The following UNC45A variants were observed in gnomAD, a reference collection of about 807,000 sequenced individuals.
UNC45A encodes the protein protein unc-45 homolog A.
A neutral mutation model predicts 103.2 loss-of-function variants in UNC45A; 78 were observed. The ratio of observed to expected loss-of-function variants is 0.76; its 90% confidence interval spans 0.63 to 0.91. The LOEUF (loss-of-function observed/expected upper bound fraction) is 0.91, where lower values mean the gene tolerates loss of function less well. Ranked by LOEUF, UNC45A falls within the 40% of genes least tolerant of loss-of-function variation. The pLI is 0.00. For missense variants in UNC45A, 1,193 were observed against 1,224.8 expected (o/e 0.97, Z 0.39); for synonymous variants, 495 against 504.6 (o/e 0.98, Z 0.25).
intron 10 of UNC45A, 38 bp from the exon 11 acceptor site, chr15:90,947,758 T>G (rs2036646472): frequency 1.3e-6 from 2 of 1,536,436 alleles, no homozygotes; most frequent in Non-Finnish European, 1.8e-6. Flanking sequence ...TCCTGCCTCC[T>G]TCCCCAGAGG....
Position 90,948,766 on chromosome 15 carries a change from A to C in UNC45A, c.1850A>C (p.Lys617Thr). Residue 617 changes from lysine to threonine, a missense_variant, in exon 13 of 20, where the codon AAG (lysine) becomes ACG (threonine). Lys to Thr is a moderately conservative substitution (Grantham distance 78). Transcript: ENST00000418476. ...ATGGTGGAGCTGGCCAAGTATGCCA[A>C]GCAGCATGTGCCCGAGCAGCACCCC... ...PKMVELAKYA[K>T]QHVPEQHPKD... 1.2e-6 allele frequency: 2 copies of C among 1,611,948 alleles called. No individual in the cohort carries two copies. The highest frequency in any genetic ancestry group is 1.7e-6 in the Non-Finnish European group (2 of 1,179,320).
chr15:90,935,263 G>C (rs556780967), upstream of UNC45A: 101 of 1,518,680 alleles, frequency 6.7e-5, 2 homozygotes, highest in East Asian at 2.2e-3. Context: ...GTGGCGTCCC[G>C]AACCCAGACT....
intron 15 of UNC45A, 196 bp from the exon 16 acceptor site, chr15:90,949,958 C>A: frequency 1.5e-6 from 1 of 667,828 alleles, no homozygotes; most frequent in Non-Finnish European, 2.6e-6. Context: ...ACCCCCATGG[C>A]CCTGGTGCTC....
At chr15:90,937,052 C>T (rs994999587) in intron 4 of UNC45A, among the ~76,000 whole-genome samples, 3 of 152,168 alleles carry the variant, frequency 2.0e-5, no homozygotes, top group Non-Finnish European at 2.9e-5. Flanking sequence ...GTTGAATGAA[C>T]AAAGCAAAAT....
rs760069198 is a variant in UNC45A at position 90,950,616 on chromosome 15, G to C, written c.2303+1G>C. The C allele has an allele frequency of 6.2e-7, 1 of 1,613,980 alleles. No individual in the cohort carries two copies. The highest frequency in any genetic ancestry group is 2.2e-5 in the East Asian group (1 of 44,884). On this transcript the variant is annotated splice_donor_variant, in intron 17 of 19. Coordinates refer to ENST00000418476, the MANE Select transcript of UNC45A (RefSeq NM_018671.5). LOFTEE classifies it high-confidence loss of function. ...TGGCTGGGATCAGCGAGAGGCTCCG[G>C]TAAGGTCCCTTGGGATTGCGGGGCC...
At chr15:90,932,095 A>AG (rs1434257835), upstream of UNC45A, 2 of 1,603,976 alleles carry the variant, frequency 1.2e-6, no homozygotes, top group Admixed American at 3.4e-5. Flanking sequence ...CTCGTGGGTC[A>AG]GGATCCGTGC....
rs755348528 is a variant in UNC45A at position 90,935,370 on chromosome 15, C to T, written c.46C>T (p.Pro16Ser). The change falls in exon 1 of 20, where the codon CCC becomes TCC. Residue 16 changes from proline (P) to serine (S), a missense_variant. By Grantham distance (74) the Pro-to-Ser change is moderately conservative. Coordinates refer to ENST00000418476, the MANE Select transcript of UNC45A (RefSeq NM_018671.5). ...PGTPEPRPAT[P>S]GASSVEQLRK... ...GACCCCCGAGCCCCGGCCGGCCACC[C>T]CCGGGGTGCGTACCCAACCCCCGCG... 6.3e-7 allele frequency: 1 copy of T among 1,599,080 alleles called. No individual in the cohort carries two copies. The highest frequency in any genetic ancestry group is 8.5e-7 in the Non-Finnish European group (1 of 1,173,400).
intron 13 of UNC45A, among the ~76,000 whole-genome samples, 198 bp from the exon 14 acceptor site, chr15:90,949,118 C>T (rs1036548808): frequency 2.6e-5 from 4 of 152,066 alleles, no homozygotes; most frequent in East Asian, 1.9e-4. Flanking sequence ...CCTCGTGATC[C>T]GCCTGCCTCA....
rs758770632 is a variant in UNC45A, at chr15:90,942,455, A to G, written c.706A>G (p.Ile236Val). Residue 236 changes from isoleucine (I) to valine (V), a missense_variant, in exon 7 of 20, where the codon ATA (isoleucine) becomes GTA (valine). Physicochemically the swap from Ile to Val is conservative, Grantham distance 29 (BLOSUM62 3). Coordinates refer to ENST00000418476, the MANE Select transcript of UNC45A (RefSeq NM_018671.5). ...ACCCCAGACAGTGGCAACCCTGAGC[A>G]TACTGGGAACTCGGCGAGTAGTCTC... The part of the protein sequence containing the change: ...HQSRTVATLS[I>V]LGTRRVVSIL... 1 of 1,613,300 alleles carries G rather than the reference A, an allele frequency of 6.2e-7. No homozygotes were observed. Among genetic ancestry groups the G allele is most frequent in the Non-Finnish European group, 8.5e-7 (1 of 1,179,610 alleles).
intron 8 of UNC45A, among the ~76,000 whole-genome samples, chr15:90,943,549 T>A (rs1157618023): frequency 6.6e-6 from 1 of 152,096 alleles, no homozygotes; most frequent in African/African-American, 2.4e-5. Flanking sequence ...AGCAATGGGA[T>A]TCAGCTCTTA....
chr15:90,938,290 G>T (rs1309877106), intron 4 of UNC45A, among the ~76,000 whole-genome samples: 1 of 152,026 alleles, frequency 6.6e-6, no homozygotes, highest in African/African-American at 2.4e-5. Flanking sequence ...TAGGAGAAAA[G>T]AATCTAAAGA....
rs778415133 is a variant in UNC45A at position 90,953,451 on chromosome 15, T to G, written c.2578-8T>G. On this transcript the variant is annotated splice_polypyrimidine_tract_variant and splice_region_variant and intron_variant, in intron 19 of 19. Transcript: ENST00000418476. ...CCAGGGGTCATATCTACCCTGTTTT[T>G]CTCACAGACCACACACTGGCTGGAG... The G allele has an allele frequency of 6.2e-7, 1 of 1,613,050 alleles. No individual in the cohort carries two copies. The highest frequency in any genetic ancestry group is 8.5e-7 in the Non-Finnish European group (1 of 1,179,906).
At position 90,940,436 on chromosome 15, in the gene UNC45A, G is replaced by A. The variant is rs146655219; in HGVS notation, c.650G>A (p.Arg217His). Residue 217 changes from arginine (R) to histidine (H), a missense_variant, in exon 6 of 20, where the codon CGT becomes CAT. Coordinates refer to ENST00000418476, the MANE Select transcript of UNC45A (RefSeq NM_018671.5). ...ACTGACCTCATGCTGGCGGCTCTGCGTACGCTGGTTGGCATTTGCTCTGAG... is the reference window on the plus strand; with the variant it reads ...ACTGACCTCATGCTGGCGGCTCTGCATACGCTGGTTGGCATTTGCTCTGAG... ...GETDLMLAAL[R>H]TLVGICSEHQ... The A allele has an allele frequency of 2.4e-5, 39 of 1,613,976 alleles. No individual in the cohort carries two copies. The highest frequency in any genetic ancestry group is 8.0e-5 in the African/African-American group (6 of 75,048).
At position 90,939,777 on chromosome 15, in the gene UNC45A, A is replaced by G; in HGVS notation, c.473A>G (p.Gln158Arg). The change falls in exon 5 of 20, where the codon CAG (glutamine) becomes CGG (arginine). Residue 158 changes from glutamine (Q) to arginine (R), a missense_variant. Transcript: ENST00000418476. The stretch of plus-strand genomic sequence containing the variant: ...GATGCCAAAGTGGAACAGATGTTTC[A>G]GATACTGTTGGACCCAGAAGAGAAG... ...STDAKVEQMF[Q>R]ILLDPEEKGT... 1 of 1,614,206 alleles carries G rather than the reference A, an allele frequency of 6.2e-7. No individual in the cohort carries two copies.
intron 9 of UNC45A, among the ~76,000 whole-genome samples, chr15:90,945,855 A>T (rs1403748929): frequency 3.4e-5 from 5 of 146,924 alleles, no homozygotes; most frequent in East Asian, 4.2e-4. Flanking sequence ...CTGGTCTCGA[A>T]CTCCTGACCT....
intron 12 of UNC45A, 28 bp downstream of exon 12, chr15:90,948,311 T>TG: frequency 6.2e-7 from 1 of 1,611,306 alleles, no homozygotes; most frequent in East Asian, 2.2e-5. Context: ...GCCGTCAGCC[T>TG]GGGGACACTG....
chr15:90,949,215 G>C, intron 13 of UNC45A, 101 bp from the exon 14 acceptor site: 1 of 1,484,602 alleles, frequency 6.7e-7, no homozygotes, highest in East Asian at 2.3e-5. Flanking sequence ...CCTTTTGTCT[G>C]GCTGTTTTAT....
intron 13 of UNC45A, 81 bp downstream of exon 13, chr15:90,948,875 C>A: frequency 6.1e-6 from 6 of 985,238 alleles, no homozygotes; most frequent in Non-Finnish European, 8.1e-6. Flanking sequence ...AACAACCTCC[C>A]TTTTTTTTTT....
At chr15:90,932,357 G>T, upstream of UNC45A, 1 of 938,642 alleles carries the variant, frequency 1.1e-6, no homozygotes, top group Non-Finnish European at 1.5e-6. Flanking sequence ...TGAGGTGCAC[G>T]CCCCCCACGT....
Sources: allele counts gnomAD v4.1 joint callset (sites outside exome capture counted in the v4.1 genomes callset), GRCh38; gene constraint gnomAD v4.1.1; transcripts MANE v1.5; gene names NCBI Gene and HGNC (gene_info 2026-07-23, HGNC 2026-07-21).